Variants in PCDHGB3 observed in about 807,000 individuals in gnomAD.
PCDHGB3 encodes protocadherin gamma subfamily B, 3.
A neutral mutation model predicts 59.2 loss-of-function variants in PCDHGB3; 40 were observed. That is an observed-to-expected ratio of 0.68 (90% confidence interval 0.52 to 0.88). The LOEUF (loss-of-function observed/expected upper bound fraction) is 0.88. Ranked by LOEUF, PCDHGB3 falls within the 40% of genes least tolerant of loss-of-function variation. The probability of loss-of-function intolerance (pLI) is 0.00; values close to 1 mark genes in which losing one functional copy is unlikely to be tolerated. For synonymous variants in PCDHGB3, 581 were observed against 503.6 expected (o/e 1.15, Z -2.06); for missense variants, 1,309 against 1,187.9 (o/e 1.10, Z -1.50).
At chr5:141,384,368 C>A (rs748304499) in intron 1 of PCDHGB3, 3 of 1,613,790 alleles carry the variant, frequency 1.9e-6, no homozygotes, top group Non-Finnish European at 2.5e-6. Flanking sequence ...ATCACTTATT[C>A]CTTGGCCGAA....
chr5:141,449,078 C>T (rs1342751417), intron 1 of PCDHGB3, among the ~76,000 whole-genome samples: 1 of 152,052 alleles, frequency 6.6e-6, no homozygotes, highest in Non-Finnish European at 1.5e-5. Flanking sequence ...AGCCCTGTAC[C>T]TACATCAGTT....
chr5:141,392,081 T>A lies in PCDHGB3; in HGVS notation c.2415+19272T>A, dbSNP rs376097159. 3.3e-5 allele frequency: 5 copies of A among 152,350 alleles called. No individual in the cohort carries two copies. In the East Asian group the frequency reaches 7.7e-4, roughly 23 times the overall value. The allele number at this position is 152,350 out of a possible 1,614,324, so 9.4% of individuals were successfully genotyped here. A position where few individuals can be genotyped will look rare whatever the true frequency, so the allele number is the denominator to read the frequency against. On this transcript the variant is annotated intron_variant, in intron 1 of 3. Coordinates refer to ENST00000576222, the MANE Select transcript of PCDHGB3 (RefSeq NM_018924.5). ...TATCGACATGTAATTCAAGTGGCAT[T>A]TAGAAGAATAATTTAAAAGCAACAA...
intron 1 of PCDHGB3, among the ~76,000 whole-genome samples, chr5:141,444,714 CTTGGTGCCT>C (rs2098445168): frequency 6.6e-6 from 1 of 152,122 alleles, no homozygotes; most frequent in Non-Finnish European, 1.5e-5. Context: ...GTTGAATTTG[CTTGGTGCCT>C]TTGTTGAAAG....
chr5:141,481,895 A>G (rs1285005477), intron 1 of PCDHGB3, among the ~76,000 whole-genome samples: 2 of 147,522 alleles, frequency 1.4e-5, no homozygotes, highest in Non-Finnish European at 3.0e-5. Context: ...GCCTGGGTGA[A>G]AGAGCGAAAC....
At chr5:141,415,151 C>G in intron 1 of PCDHGB3, 2 of 1,613,814 alleles carry the variant, frequency 1.2e-6, no homozygotes, top group Non-Finnish European at 1.7e-6. Flanking sequence ...CCCCCTCTCT[C>G]CGCCACTGTC....
intron 1 of PCDHGB3, chr5:141,426,496 G>A: frequency 3.0e-6 from 1 of 337,022 alleles, no homozygotes; most frequent in South Asian, 2.4e-5. Flanking sequence ...AGTTAGTGCA[G>A]AGAAACAATA....
chr5:141,387,924 CTGCCAG>C (rs145222727), intron 1 of PCDHGB3: 128,031 of 1,478,756 alleles, frequency 0.087, 6,358 homozygotes, highest in Non-Finnish European at 0.099. Context: ...GGCTGAGAGG[CTGCCAG>C]TGCTCTTTCT....
chr5:141,387,871 G>A (rs1275687057), intron 1 of PCDHGB3: 4 of 1,589,520 alleles, frequency 2.5e-6, no homozygotes, highest in Admixed American at 1.8e-5. Context: ...AGCAAGCTGA[G>A]GAGAGCAAGA....
chr5:141,489,692 G>C lies in PCDHGB3; in HGVS notation c.2416-5115G>C, dbSNP rs768806028. The stretch of plus-strand genomic sequence containing the variant: ...TCAGAATCAGCAGCATCTGGGGCAC[G>C]ATTCCCACTGGACAGTGCCCAGGAT... On this transcript the variant is annotated intron_variant, in intron 1 of 3. Transcript: ENST00000576222. This position sits in a 1 kb window ranked among gnomAD's most constrained non-coding sequence, Gnocchi z 4.5. 6.2e-7 allele frequency: 1 copy of C among 1,614,128 alleles called. No individual in the cohort carries two copies. Among genetic ancestry groups the C allele is most frequent in the South Asian group, 1.1e-5 (1 of 91,080 alleles).
Position 141,489,712 on chromosome 5 carries a change from C to T in PCDHGB3, c.2416-5095C>T. On this transcript the variant is annotated intron_variant, in intron 1 of 3. Coordinates refer to ENST00000576222, the MANE Select transcript of PCDHGB3 (RefSeq NM_018924.5). The surrounding 1 kb of genome is among the most constrained non-coding windows in gnomAD (Gnocchi z 4.5). The stretch of plus-strand genomic sequence containing the variant: ...GGCACGATTCCCACTGGACAGTGCC[C>T]AGGATCCGGATGTGGGCACCAATAC... The T allele has an allele frequency of 6.2e-7, 1 of 1,614,162 alleles. No individual in the cohort carries two copies. The highest frequency in any genetic ancestry group is 1.1e-5 in the South Asian group (1 of 91,078).
At chr5:141,457,098 T>G (rs1179930043) in intron 1 of PCDHGB3, among the ~76,000 whole-genome samples, 1 of 152,242 alleles carries the variant, frequency 6.6e-6, no homozygotes, top group Non-Finnish European at 1.5e-5. Flanking sequence ...AGGATACTAA[T>G]TAAGCAAAAT....
At chr5:141,384,983 T>C (rs944174966) in intron 1 of PCDHGB3, 1 of 1,614,026 alleles carries the variant, frequency 6.2e-7, no homozygotes, top group Non-Finnish European at 8.5e-7. Context: ...TACCTGGTGG[T>C]GGCGGTGGCC....
intron 1 of PCDHGB3, among the ~76,000 whole-genome samples, chr5:141,447,234 G>T (rs534523483): frequency 9.9e-4 from 150 of 152,170 alleles, no homozygotes; most frequent in Non-Finnish European, 1.8e-3. Flanking sequence ...CCGCCTCCCG[G>T]GTTCAAGTGA....
At chr5:141,442,466 A>T (rs1270035223) in intron 1 of PCDHGB3, 1 of 152,254 alleles carries the variant, frequency 6.6e-6, no homozygotes, top group African/African-American at 2.4e-5. Flanking sequence ...TTCACTGCAG[A>T]AAGCCCCTTG....
chr5:141,389,784 G>C (rs1380763543), intron 1 of PCDHGB3: 2 of 1,613,318 alleles, frequency 1.2e-6, no homozygotes, highest in South Asian at 2.2e-5. Flanking sequence ...AGGCGACAGG[G>C]ACGCCGTCCG....
At chr5:141,410,662 C>T (rs770245568) in intron 1 of PCDHGB3, 1 of 1,572,090 alleles carries the variant, frequency 6.4e-7, no homozygotes, top group Admixed American at 1.9e-5. Context: ...TAATAGTCTA[C>T]TAGTTTCTCA....
intron 1 of PCDHGB3, among the ~76,000 whole-genome samples, chr5:141,439,422 A>C (rs1476209707): frequency 6.6e-6 from 1 of 152,188 alleles, no homozygotes; most frequent in Non-Finnish European, 1.5e-5. Context: ...TGAGGTTATA[A>C]ATTCCCAGGA....
intron 1 of PCDHGB3, among the ~76,000 whole-genome samples, chr5:141,465,545 C>T (rs2099105349): frequency 6.6e-6 from 1 of 152,146 alleles, no homozygotes; most frequent in South Asian, 2.1e-4. Context: ...GGCATTTTTT[C>T]TGCTGAAGCT....
chr5:141,373,481 C>T (rs570555683), intron 1 of PCDHGB3, among the ~76,000 whole-genome samples: 13 of 152,328 alleles, frequency 8.5e-5, no homozygotes, highest in Non-Finnish European at 1.8e-4. Context: ...TATAATTGTG[C>T]CCCTGCACTC....
Sources: gnomAD v4.1 joint callset for allele counts (sites outside exome capture counted in the v4.1 genomes callset) on GRCh38, gnomAD v4.1.1 for gene constraint, Gnocchi (gnomAD v3.1) non-coding constraint, MANE v1.5 for transcripts, NCBI Gene and HGNC (gene_info 2026-07-23, HGNC 2026-07-21) for gene names.